Variants in WDR86 observed in about 807,000 individuals in gnomAD.
The protein encoded by WDR86 is WD repeat domain 86.
Under a neutral mutation model 36.5 loss-of-function variants are expected in WDR86, and 30 were observed. That is an observed-to-expected ratio of 0.82 (90% CI 0.61 to 1.11). The LOEUF is 1.11. Among genes scored for constraint, WDR86 ranks in the 50% most tolerant of loss-of-function variants. The pLI is 0.00. For missense variants in WDR86, 545 were observed against 561.2 expected, an observed-to-expected ratio of 0.97 and a Z score of 0.29; for synonymous variants, 255 against 252.9, an observed-to-expected ratio of 1.01 and a Z score of -0.08.
downstream of WDR86, among the ~76,000 whole-genome samples, chr7:151,379,586 G>A (rs1458317609): frequency 6.6e-6 from 1 of 152,192 alleles, no homozygotes; most frequent in Non-Finnish European, 1.5e-5. Flanking sequence ...TCAGAAACCA[G>A]AGCGAAAATG....
intron 3 of WDR86, among the ~76,000 whole-genome samples, chr7:151,386,743 T>C (rs980630366): frequency 1.3e-5 from 2 of 152,050 alleles, no homozygotes; most frequent in African/African-American, 4.8e-5. Context: ...CCCCTCTGCT[T>C]CCTGAGAAAG....
intron 3 of WDR86, among the ~76,000 whole-genome samples, chr7:151,386,857 G>C (rs1410456161): frequency 6.6e-6 from 1 of 152,146 alleles, no homozygotes; most frequent in Non-Finnish European, 1.5e-5. Context: ...TGCTGCCCCA[G>C]GACCTCTGGG....
In WDR86 at chr7:151,395,792, G is replaced by C; in HGVS notation, c.710C>G (p.Ser237Cys). 1.3e-6 allele frequency: 2 copies of C among 1,561,272 alleles called. No individual in the cohort carries two copies. Among genetic ancestry groups the C allele is most frequent in the Non-Finnish European group, 1.7e-6 (2 of 1,154,782 alleles). ...QLRVFREHRGSVICLELVNRL... is the reference protein window; with the variant it reads ...QLRVFREHRGCVICLELVNRL... ...CAGTCTCACCTCCAGACAGATGACGGAGCCCCGGTGCTCCCGGAACACCCG... is the reference window on the plus strand; with the variant it reads ...CAGTCTCACCTCCAGACAGATGACGCAGCCCCGGTGCTCCCGGAACACCCG... The change falls in exon 3 of 6, where the codon TCC becomes TGC. Residue 237 changes from serine to cysteine, a missense_variant. Physicochemically the swap from Ser to Cys is moderately radical, Grantham distance 112. Coordinates refer to ENST00000334493, the MANE Select transcript of WDR86 (RefSeq NM_198285.3).
downstream of WDR86, among the ~76,000 whole-genome samples, chr7:151,373,259 T>G (rs1179044954): frequency 6.6e-6 from 1 of 152,202 alleles, no homozygotes; most frequent in Non-Finnish European, 1.5e-5. Context: ...TGTCTCCTTG[T>G]TGGGAAAATA....
chr7:151,382,296 T>C (rs1251401306), intron 4 of WDR86, among the ~76,000 whole-genome samples: 4 of 152,158 alleles, frequency 2.6e-5, no homozygotes, highest in Non-Finnish European at 4.4e-5. Flanking sequence ...CTGGGGATAA[T>C]CGTCAGGTCC....
At chr7:151,392,665 C>T (rs1339315472) in intron 3 of WDR86, among the ~76,000 whole-genome samples, 1 of 152,186 alleles carries the variant, frequency 6.6e-6, no homozygotes, top group African/African-American at 2.4e-5. Context: ...AGCTGAGGCT[C>T]CGGGGCCACC....
At chr7:151,402,070 A>AAAAAAAAAAAATATAT in intron 1 of WDR86, among the ~76,000 whole-genome samples, 1 of 50,558 alleles carries the variant, frequency 2.0e-5, no homozygotes, top group African/African-American at 1.2e-4. Context: ...AAAAAAAAAA[A>AAAAAAAAAAAATATAT]ATATATATAT....
chr7:151,380,393 T>C (rs900090988), downstream of WDR86, among the ~76,000 whole-genome samples: 1 of 152,072 alleles, frequency 6.6e-6, no homozygotes, highest in Non-Finnish European at 1.5e-5. Context: ...CATGCTGCTC[T>C]ACCTGAAAGG....
At chr7:151,377,343 GA>G, downstream of WDR86, 2 of 685,454 alleles carry the variant, frequency 2.9e-6, no homozygotes, top group Non-Finnish European at 4.6e-6. Context: ...TTGGGTGTAG[GA>G]GGGGGTGGGC....
At chr7:151,369,777 C>A in the WDR86 span, among the ~76,000 whole-genome samples, 4 of 152,182 alleles carry the variant, frequency 2.6e-5, no homozygotes, top group Non-Finnish European at 5.9e-5. Context: ...AAACTCCAGC[C>A]ATAGAAGTCT....
At chr7:151,391,201 A>C (rs917286435) in intron 3 of WDR86, among the ~76,000 whole-genome samples, 1 of 152,242 alleles carries the variant, frequency 6.6e-6, no homozygotes, top group African/African-American at 2.4e-5. Flanking sequence ...GAACTGACAT[A>C]GCCACCTGCG....
chr7:151,396,313 C>T lies in WDR86; in HGVS notation c.306-117G>A, dbSNP rs182171499. 180 of 1,186,588 alleles carry T rather than the reference C, an allele frequency of 1.5e-4. 4 individuals carry two copies. The Admixed American group carries it at 3.1e-3, about 21-fold the overall frequency. The allele number at this position is 1,186,588 out of a possible 1,614,324, so 73.5% of individuals were successfully genotyped here. ...AAAATAACCTCTCCCTGTGTCTGCC[C>T]AGCTTGCCACACTCGTCTTCCAAGG... On this transcript the variant is annotated intron_variant, in intron 2 of 5. Transcript: ENST00000334493.
chr7:151,396,582 G>A (rs28569775), intron 2 of WDR86, among the ~76,000 whole-genome samples: 10,126 of 152,262 alleles, frequency 0.067, 571 homozygotes, highest in East Asian at 0.29. Flanking sequence ...CAGCTTGCCC[G>A]GAGTTGAAAA....
chr7:151,376,405 G>A (rs959872729), downstream of WDR86: 10 of 542,196 alleles, frequency 1.8e-5, no homozygotes, highest in Non-Finnish European at 2.9e-5. Context: ...CGAGGTCACT[G>A]CCTGTCCTGA....
intron 3 of WDR86, among the ~76,000 whole-genome samples, chr7:151,387,369 C>T (rs1799064738): frequency 6.6e-6 from 1 of 152,132 alleles, no homozygotes; most frequent in African/African-American, 2.4e-5. Flanking sequence ...CTTAGCCCTC[C>T]CAGTAGCACC....
Position 151,409,902 on chromosome 7 carries a change from G to C in WDR86, c.-313C>G, listed in dbSNP as rs1278417840. On this transcript the variant is annotated 5_prime_UTR_variant, in exon 1 of 6. Coordinates refer to ENST00000334493, the MANE Select transcript of WDR86 (RefSeq NM_198285.3). This position sits in a 1 kb window ranked among gnomAD's most constrained non-coding sequence, Gnocchi z 5.2. ...CGCTCGGAGGATCCACACCCCACCG[G>C]GCGAACAAGGCAGCTGCGTCTCTGG... The C allele has an allele frequency of 6.2e-6, 7 of 1,122,234 alleles. No homozygotes were observed. Among genetic ancestry groups the C allele is most frequent in the Middle Eastern group, 3.8e-4 (1 of 2,664 alleles). The allele number at this position is 1,122,234 out of a possible 1,614,324, so 69.5% of individuals were successfully genotyped here.
chr7:151,385,205 A>C lies in WDR86; in HGVS notation c.745T>G (p.Tyr249Asp). 6.2e-7 allele frequency: 1 copy of C among 1,612,476 alleles called. No individual in the cohort carries two copies. Among genetic ancestry groups the C allele is most frequent in the Non-Finnish European group, 8.5e-7 (1 of 1,179,868 alleles). The change falls in exon 4 of 6, where the codon TAC becomes GAC. Residue 249 changes from tyrosine to aspartate, a missense_variant. Coordinates refer to ENST00000334493, the MANE Select transcript of WDR86 (RefSeq NM_198285.3). The stretch of plus-strand genomic sequence containing the variant: ...ACGGTCCTGTCCGCGCTGCCAGAGT[A>C]CACGAGTCGGTTCACCAGCTGCGAG... The part of the protein sequence containing the change: ...ICLELVNRLV[Y>D]SGSADRTVKC...
Position 151,395,804 on chromosome 7 carries a change from T to C in WDR86, c.698A>G (p.Glu233Gly), listed in dbSNP as rs1377126860. The C allele has an allele frequency of 1.3e-6, 2 of 1,567,370 alleles. No homozygotes were observed. Among genetic ancestry groups the C allele is most frequent in the Non-Finnish European group, 1.7e-6 (2 of 1,158,414 alleles). The change falls in exon 3 of 6, where the codon GAG becomes GGG. Residue 233 changes from glutamate (E) to glycine (G), a missense_variant. Transcript: ENST00000334493. Reference sequence around the variant, plus strand: ...CAGACAGATGACGGAGCCCCGGTGCTCCCGGAACACCCGCAGCTGCTCCCC... The same window carrying C: ...CAGACAGATGACGGAGCCCCGGTGCCCCCGGAACACCCGCAGCTGCTCCCC... ...LSGEQLRVFR[E>G]HRGSVICLEL... is the part of the protein sequence containing the mutation.
At chr7:151,385,951 C>T (rs1196995026) in intron 3 of WDR86, among the ~76,000 whole-genome samples, 1 of 152,198 alleles carries the variant, frequency 6.6e-6, no homozygotes, top group Non-Finnish European at 1.5e-5. Flanking sequence ...CACTCCCAGC[C>T]AGCACCTCTG....
Sources: allele counts gnomAD v4.1 joint callset (sites outside exome capture counted in the v4.1 genomes callset), GRCh38; gene constraint gnomAD v4.1.1; non-coding constraint Gnocchi (gnomAD v3.1); transcripts MANE v1.5; gene names NCBI Gene and HGNC (gene_info 2026-07-23, HGNC 2026-07-21).